Variants in MRE11 observed in about 807,000 individuals in gnomAD.
The protein encoded by MRE11 is double-strand break repair protein MRE11.
In MRE11, 62 loss-of-function variants were observed where a neutral mutation model predicts 91.7. That is an observed-to-expected ratio of 0.68 (90% confidence interval 0.55 to 0.84). The LOEUF (loss-of-function observed/expected upper bound fraction) is 0.84, where lower values mean the gene tolerates loss of function less well. Among genes scored for constraint, MRE11 ranks in the 40% least tolerant of loss-of-function variants. The pLI, the probability that MRE11 is intolerant of heterozygous loss-of-function variation, is 0.00. For missense variants in MRE11, 796 were observed against 852.9 expected, an observed-to-expected ratio of 0.93 and a Z score of 0.83; for synonymous variants, 273 against 271.4, an observed-to-expected ratio of 1.01 and a Z score of -0.06.
chr11:94,472,110 T>A (rs1200117297), intron 7 of MRE11, among the ~76,000 whole-genome samples: 3 of 152,076 alleles, frequency 2.0e-5, no homozygotes, highest in Admixed American at 2.0e-4. Flanking sequence ...AGTCTAACTA[T>A]ATACTAGAGA....
intron 10 of MRE11, among the ~76,000 whole-genome samples, chr11:94,465,351 T>G (rs1215967222): frequency 6.6e-6 from 1 of 151,826 alleles, no homozygotes; most frequent in Non-Finnish European, 1.5e-5. Flanking sequence ...GTGATTCCCT[T>G]AAAGTAATTA....
At chr11:94,476,071 G>A (rs1413202581) in intron 7 of MRE11, among the ~76,000 whole-genome samples, 1 of 152,180 alleles carries the variant, frequency 6.6e-6, no homozygotes, top group Non-Finnish European at 1.5e-5. Context: ...GAGTATTCAT[G>A]TGTATGCCTT....
At chr11:94,480,819 A>G (rs770950209) in intron 4 of MRE11, among the ~76,000 whole-genome samples, 10 of 152,156 alleles carry the variant, frequency 6.6e-5, no homozygotes, top group Non-Finnish European at 1.3e-4. Context: ...CTTTCAAGAA[A>G]TGCCAATGCC....
intron 19 of MRE11, among the ~76,000 whole-genome samples, chr11:94,426,285 T>C (rs140821604): frequency 1.7e-3 from 252 of 152,108 alleles, no homozygotes; most frequent in African/African-American, 5.7e-3. Flanking sequence ...TTAATAAAAA[T>C]TCATTCATTA....
chr11:94,498,517 T>G, upstream of MRE11: 2 of 1,612,574 alleles, frequency 1.2e-6, no homozygotes, highest in Non-Finnish European at 1.7e-6. Flanking sequence ...GTACAAATTC[T>G]TCACCTCAGT....
the MRE11 span, among the ~76,000 whole-genome samples, chr11:94,500,404 C>T: frequency 6.6e-6 from 1 of 152,198 alleles, no homozygotes; most frequent in Non-Finnish European, 1.5e-5. Context: ...TTGTCTGCTT[C>T]CTTTATACTT....
chr11:94,495,244 G>T (rs1947397366), upstream of MRE11, among the ~76,000 whole-genome samples: 1 of 152,076 alleles, frequency 6.6e-6, no homozygotes, highest in African/African-American at 2.4e-5. Flanking sequence ...GTATCTTGGG[G>T]TTATGCCTAA....
At chr11:94,510,126 C>T in the MRE11 span, among the ~76,000 whole-genome samples, 3 of 151,766 alleles carry the variant, frequency 2.0e-5, no homozygotes, top group Non-Finnish European at 2.9e-5. Context: ...GAGGCTTTTT[C>T]TTTGTGGTAT....
intron 7 of MRE11, 128 bp downstream of exon 7, chr11:94,476,161 T>C: frequency 3.0e-6 from 2 of 663,460 alleles, no homozygotes; most frequent in East Asian, 5.4e-5. Context: ...AAAGCAAATC[T>C]ATGTTTTGTC....
At chr11:94,455,614 C>T (rs1383839423) in intron 14 of MRE11, among the ~76,000 whole-genome samples, 4 of 152,122 alleles carry the variant, frequency 2.6e-5, no homozygotes, top group Non-Finnish European at 4.4e-5. Context: ...TAGATTCAAA[C>T]CTGCAATGAG....
At chr11:94,434,165 T>G (rs1376383793) in intron 18 of MRE11, among the ~76,000 whole-genome samples, 1 of 152,192 alleles carries the variant, frequency 6.6e-6, no homozygotes, top group African/African-American at 2.4e-5. Flanking sequence ...CACTAAAGTG[T>G]AAATTCCTTG....
intron 16 of MRE11, among the ~76,000 whole-genome samples, chr11:94,443,667 C>T (rs1327731887): frequency 5.3e-5 from 8 of 152,094 alleles, no homozygotes; most frequent in Admixed American, 2.0e-4. Flanking sequence ...AACACGAATG[C>T]GCCTCATGGG....
chr11:94,433,254 CCA>C (rs1183400887), intron 18 of MRE11, among the ~76,000 whole-genome samples: 3 of 152,212 alleles, frequency 2.0e-5, no homozygotes, highest in Admixed American at 1.3e-4. Context: ...TGTTCTGCAA[CCA>C]CAGTGATCCT....
intron 16 of MRE11, among the ~76,000 whole-genome samples, chr11:94,440,725 AACTGAGT>A (rs1462551140): frequency 6.6e-6 from 1 of 152,228 alleles, no homozygotes; most frequent in Non-Finnish European, 1.5e-5. Context: ...ATAAGCATGT[AACTGAGT>A]ACCCTCATTT....
the MRE11 span, among the ~76,000 whole-genome samples, chr11:94,507,053 G>A: frequency 6.6e-6 from 1 of 152,068 alleles, no homozygotes; most frequent in Non-Finnish European, 1.5e-5. Context: ...AAATCTTGGT[G>A]AGTTCTTCAA....
chr11:94,502,816 G>C, the MRE11 span, among the ~76,000 whole-genome samples: 1 of 152,128 alleles, frequency 6.6e-6, no homozygotes, highest in African/African-American at 2.4e-5. Flanking sequence ...TGGGATTACA[G>C]GCGTGCGCTA....
intron 5 of MRE11, among the ~76,000 whole-genome samples, chr11:94,479,355 G>A (rs1946956088): frequency 6.6e-6 from 1 of 152,092 alleles, no homozygotes; most frequent in African/African-American, 2.4e-5. Context: ...TCCTAAAAGT[G>A]AGATTTTATA....
the MRE11 span, among the ~76,000 whole-genome samples, chr11:94,505,476 C>CA: frequency 4.0e-5 from 6 of 151,806 alleles, no homozygotes; most frequent in African/African-American, 7.2e-5. Context: ...ATTGAAAATA[C>CA]AAAAAAAGCT....
intron 14 of MRE11, among the ~76,000 whole-genome samples, chr11:94,453,220 A>G (rs983590865): frequency 6.6e-6 from 1 of 151,900 alleles, no homozygotes; most frequent in Non-Finnish European, 1.5e-5. Context: ...TTGTTTATCC[A>G]TCTATCTGTT....
Sources: gnomAD v4.1 joint callset for allele counts (sites outside exome capture counted in the v4.1 genomes callset) on GRCh38, gnomAD v4.1.1 for gene constraint, MANE v1.5 for transcripts, NCBI Gene and HGNC (gene_info 2026-07-23, HGNC 2026-07-21) for gene names.